AFF1: variants seen among roughly 807,000 people sequenced by gnomAD.
AFF1 encodes the protein AF4/FMR2 family member 1.
In AFF1, 48 loss-of-function variants were observed where a neutral mutation model predicts 121.7. The ratio of observed to expected loss-of-function variants is 0.39; its 90% CI spans 0.31 to 0.50. AFF1 has a LOEUF of 0.50. AFF1 is among the 20% of genes least tolerant of loss of function. The pLI, the probability that AFF1 is intolerant of heterozygous loss-of-function variation, is 0.76. For synonymous variants in AFF1, 613 were observed against 563.0 expected (o/e 1.09, Z -1.26); for missense variants, 1,523 against 1,511.7 (o/e 1.01, Z -0.12).
rs1465769368 is a variant in AFF1 at position 86,995,956 on chromosome 4, C to T, written c.38+47385C>T. Among the ~76,000 whole-genome samples, 7 of 149,780 alleles carry T rather than the reference C, an allele frequency of 4.7e-5. No individual in the cohort carries two copies. The South Asian group carries it at 1.1e-3, about 23-fold the overall frequency. On this transcript the variant is annotated intron_variant, in intron 2 of 20. Transcript: ENST00000395146. ...CCGGGATGTGAGGAGCGTCTCTGCC[C>T]GGCCGCCCCGTCTGAGAAGTGAGGA...
Position 87,094,948 on chromosome 4 carries a change from A to T in AFF1, c.1262A>T (p.Asn421Ile). 6.2e-7 allele frequency: 1 copy of T among 1,613,960 alleles called. No homozygotes were observed. Among genetic ancestry groups the T allele is most frequent in the Non-Finnish European group, 8.5e-7 (1 of 1,179,810 alleles). ...QYDTSSKTHS[N>I]SQQGTSSMLE... Reference sequence around the variant, plus strand: ...GATACATCTTCAAAAACTCACTCAAATTCTCAGCAAGGAACGTCATCGTAA... The same window carrying T: ...GATACATCTTCAAAAACTCACTCAATTTCTCAGCAAGGAACGTCATCGTAA... The change falls in exon 8 of 21, where the codon AAT becomes ATT. Residue 421 changes from asparagine (N) to isoleucine (I), a missense_variant. This residue lies in a region of AFF1 where 905 missense variants were observed against 842.5 expected (regional missense o/e 1.07). Transcript: ENST00000395146.
chr4:87,116,459 ACT>A (rs1251189117), intron 12 of AFF1, among the ~76,000 whole-genome samples: 3 of 152,136 alleles, frequency 2.0e-5, no homozygotes, highest in Non-Finnish European at 4.4e-5. Flanking sequence ...AGAAGGGCCA[ACT>A]CTCTCCTGCT....
intron 1 of AFF1, among the ~76,000 whole-genome samples, chr4:86,937,799 G>T (rs1468756449): frequency 6.9e-6 from 1 of 145,828 alleles, no homozygotes; most frequent in Admixed American, 6.8e-5. Context: ...GGGGGTGGGG[G>T]GCTCCCTATG....
intron 2 of AFF1, among the ~76,000 whole-genome samples, chr4:86,964,639 G>T (rs1209295462): frequency 2.0e-5 from 3 of 150,682 alleles, no homozygotes; most frequent in African/African-American, 7.3e-5. Flanking sequence ...TCTCCACGTT[G>T]GTCAGGCTGG....
intron 2 of AFF1, among the ~76,000 whole-genome samples, chr4:86,954,911 C>A (rs922905203): frequency 1.3e-5 from 2 of 152,090 alleles, no homozygotes; most frequent in Non-Finnish European, 2.9e-5. Flanking sequence ...TTTATTTCTT[C>A]TGTTCAATAT....
chr4:87,115,258 A>T lies in AFF1; in HGVS notation c.2425A>T (p.Arg809Trp). Residue 809 changes from arginine (R) to tryptophan (W), a missense_variant, in exon 12 of 21, where the codon AGG becomes TGG. By Grantham distance (101) the Arg-to-Trp change is moderately radical (BLOSUM62 -3). Around this residue, in one of 5 missense-constraint regions of AFF1, gnomAD observed 905 missense variants for 842.5 expected, o/e 1.07. Transcript: ENST00000395146. ...AGGGAAGAAGCACAGCTCTGAGAAG[A>T]GGAGCTCAGACAGCTCAAGCAAGTT... ...PAGKKHSSEK[R>W]SSDSSSKLAK... The T allele has an allele frequency of 6.2e-7, 1 of 1,612,814 alleles. No individual in the cohort carries two copies. Among genetic ancestry groups the T allele is most frequent in the Non-Finnish European group, 8.5e-7 (1 of 1,179,242 alleles).
At chr4:86,960,990 G>C (rs1356373317) in intron 2 of AFF1, among the ~76,000 whole-genome samples, 1 of 152,164 alleles carries the variant, frequency 6.6e-6, no homozygotes, top group Non-Finnish European at 1.5e-5. Flanking sequence ...AAGGAGCAGA[G>C]GTCACAGCTG....
At chr4:86,963,863 C>CA (rs901363984) in intron 2 of AFF1, among the ~76,000 whole-genome samples, 3 of 151,014 alleles carry the variant, frequency 2.0e-5, no homozygotes, top group African/African-American at 7.3e-5. Context: ...ATTGCACAGT[C>CA]ACGGTTCACT....
intron 2 of AFF1, among the ~76,000 whole-genome samples, chr4:86,953,464 G>A (rs552848268): frequency 6.6e-6 from 1 of 152,264 alleles, no homozygotes; most frequent in African/African-American, 2.4e-5. Flanking sequence ...CTTTGCTCAG[G>A]GCTATCAAAA....
At chr4:87,012,991 G>A (rs1726932535) in intron 2 of AFF1, among the ~76,000 whole-genome samples, 1 of 145,940 alleles carries the variant, frequency 6.9e-6, no homozygotes, top group Non-Finnish European at 1.5e-5. Flanking sequence ...TAGTTTATTG[G>A]CTTTGTTTTT....
chr4:87,007,659 TTAGA>T (rs1435524938), intron 2 of AFF1, among the ~76,000 whole-genome samples: 1 of 152,086 alleles, frequency 6.6e-6, no homozygotes, highest in East Asian at 1.9e-4. Context: ...AAGATTAAAG[TTAGA>T]TAGCCCCCTT....
chr4:87,123,239 C>T (rs987050482), intron 12 of AFF1, among the ~76,000 whole-genome samples: 1 of 152,170 alleles, frequency 6.6e-6, no homozygotes, highest in African/African-American at 2.4e-5. Flanking sequence ...TAAAAGATTA[C>T]TTTAATCAAC....
At chr4:87,128,564 C>T (rs1728515810) in intron 16 of AFF1, among the ~76,000 whole-genome samples, 1 of 152,068 alleles carries the variant, frequency 6.6e-6, no homozygotes, top group African/African-American at 2.4e-5. Context: ...TTTTTTGGTT[C>T]ACATGCAAAC....
intron 4 of AFF1, among the ~76,000 whole-genome samples, chr4:87,061,784 A>G (rs2149654438): frequency 1.3e-5 from 2 of 152,308 alleles, no homozygotes. Flanking sequence ...GACCCAAGAC[A>G]TGAGAATCCA....
chr4:87,054,673 G>A (rs889785486), intron 4 of AFF1, among the ~76,000 whole-genome samples: 1 of 152,182 alleles, frequency 6.6e-6, no homozygotes, highest in African/African-American at 2.4e-5. Flanking sequence ...GGTGGTGCCT[G>A]GAGCAGACGA....
intron 11 of AFF1, among the ~76,000 whole-genome samples, chr4:87,108,856 C>T (rs1309672642): frequency 6.6e-6 from 1 of 152,132 alleles, no homozygotes; most frequent in Non-Finnish European, 1.5e-5. Flanking sequence ...GTTTCTTGCT[C>T]CTTTCTGTCC....
chr4:87,134,373 CTT>C (rs1361257243), intron 19 of AFF1, 96 bp from the exon 20 acceptor site: 35 of 1,179,166 alleles, frequency 3.0e-5, no homozygotes, highest in Non-Finnish European at 3.3e-5. Flanking sequence ...TATAGTGAAA[CTT>C]TGTGTCTTGG....
At chr4:87,035,344 G>A (rs1729453664) in intron 2 of AFF1, among the ~76,000 whole-genome samples, 1 of 152,046 alleles carries the variant, frequency 6.6e-6, no homozygotes, top group Non-Finnish European at 1.5e-5. Flanking sequence ...GGCAGATCAC[G>A]AGGTCAGGAG....
At position 87,135,999 on chromosome 4, in the gene AFF1, A is replaced by T; in HGVS notation, c.*298A>T. ...GTATGAATGGTCTAGAAACATTTCTATTTTTTTTTTAAACCAGCAGGATAC... is the reference window on the plus strand; with the variant it reads ...GTATGAATGGTCTAGAAACATTTCTTTTTTTTTTTTAAACCAGCAGGATAC... On this transcript the variant is annotated 3_prime_UTR_variant, in exon 21 of 21. Transcript: ENST00000395146. 3.4e-6 allele frequency: 1 copy of T among 291,100 alleles called. No individual in the cohort carries two copies. The highest frequency in any genetic ancestry group is 6.3e-6 in the Non-Finnish European group (1 of 158,866). The allele number at this position is 291,100 out of a possible 1,614,324, so 18.0% of individuals were successfully genotyped here. A position where few individuals can be genotyped will look rare whatever the true frequency, so the allele number is the denominator to read the frequency against.
Sources: allele counts gnomAD v4.1 joint callset (sites outside exome capture counted in the v4.1 genomes callset), GRCh38; gene constraint gnomAD v4.1.1; regional missense constraint gnomAD v4.1.1; transcripts MANE v1.5; gene names NCBI Gene and HGNC (gene_info 2026-07-23, HGNC 2026-07-21).